The following EPHA5 variants were observed in gnomAD, a reference collection of about 807,000 sequenced individuals.
The protein encoded by EPHA5 is EPH receptor A5.
EPHA5 carries 60 observed loss-of-function variants against 105.0 expected under a neutral mutation model. That is an observed-to-expected ratio of 0.57 (90% CI 0.46 to 0.71). The LOEUF (loss-of-function observed/expected upper bound fraction) is 0.71. EPHA5 is among the 30% of genes least tolerant of loss of function. The pLI is 0.00. For synonymous variants in EPHA5, 513 were observed against 449.1 expected, an observed-to-expected ratio of 1.14 and a Z score of -1.80; for missense variants, 1,218 against 1,274.7, an observed-to-expected ratio of 0.96 and a Z score of 0.68.
chr4:65,496,703 T>A (rs972449191), intron 3 of EPHA5, among the ~76,000 whole-genome samples: 1 of 152,088 alleles, frequency 6.6e-6, no homozygotes, highest in African/African-American at 2.4e-5. Context: ...TGTGCATGTG[T>A]CTTTAGAGAA....
intron 3 of EPHA5, among the ~76,000 whole-genome samples, chr4:65,563,401 C>T (rs1274553105): frequency 6.6e-6 from 1 of 152,012 alleles, no homozygotes; most frequent in African/African-American, 2.4e-5. Flanking sequence ...TTTCAGCATC[C>T]TTCAATCACA....
At chr4:65,342,025 C>CA (rs1721777517) in intron 14 of EPHA5, among the ~76,000 whole-genome samples, 1 of 152,054 alleles carries the variant, frequency 6.6e-6, no homozygotes, top group South Asian at 2.1e-4. Context: ...CTTAGTGCAT[C>CA]AATCTTAGAT....
rs530933021 is a variant in EPHA5, at chr4:65,351,573, A to T, written c.2261T>A (p.Ile754Asn). Residue 754 changes from isoleucine to asparagine, a missense_variant, in exon 13 of 17, where the codon ATT (isoleucine) becomes AAT (asparagine). Around this residue, in one of 3 missense-constraint regions of EPHA5, gnomAD observed 971 missense variants for 1,013.5 expected, o/e 0.96. Coordinates refer to ENST00000613740, the MANE Select transcript of EPHA5 (RefSeq NM_001281766.3). The part of the protein sequence containing the change: ...LKKNDGQFTV[I>N]QLVGMLRGIS... ...ACCTCTCAGCATGCCAACAAGCTGAATCACAGTGAACTGCCCATCGTTTTT... is the reference window on the plus strand; with the variant it reads ...ACCTCTCAGCATGCCAACAAGCTGATTCACAGTGAACTGCCCATCGTTTTT... The T allele has an allele frequency of 6.2e-7, 1 of 1,613,660 alleles. No homozygotes were observed. The highest frequency in any genetic ancestry group is 8.5e-7 in the Non-Finnish European group (1 of 1,179,714).
intron 3 of EPHA5, among the ~76,000 whole-genome samples, chr4:65,538,691 C>T (rs1385699159): frequency 6.6e-6 from 1 of 151,600 alleles, no homozygotes; most frequent in African/African-American, 2.4e-5. Context: ...TGTAGCTAGG[C>T]ACATAGCGAT....
intron 5 of EPHA5, among the ~76,000 whole-genome samples, chr4:65,445,213 T>C (rs940058604): frequency 1.3e-5 from 2 of 152,152 alleles, no homozygotes; most frequent in South Asian, 2.1e-4. Context: ...GTGTTGGGGT[T>C]CATGATTTAA....
At chr4:65,633,648 T>A (rs1746848979) in intron 2 of EPHA5, among the ~76,000 whole-genome samples, 2 of 151,988 alleles carry the variant, frequency 1.3e-5, no homozygotes, top group African/African-American at 2.4e-5. Flanking sequence ...GAGACCTATA[T>A]ATCCCTCTAT....
At chr4:65,550,707 G>A (rs546807931) in intron 3 of EPHA5, among the ~76,000 whole-genome samples, 11 of 152,062 alleles carry the variant, frequency 7.2e-5, no homozygotes, top group South Asian at 2.1e-4. Context: ...ATGGTGGCGC[G>A]CGCCTATAGT....
At chr4:65,443,144 T>C (rs1726177641) in intron 5 of EPHA5, among the ~76,000 whole-genome samples, 1 of 152,128 alleles carries the variant, frequency 6.6e-6, no homozygotes, top group African/African-American at 2.4e-5. Flanking sequence ...AGCTGTAGTA[T>C]CCTGGGGTTT....
intron 13 of EPHA5, 21 bp from the exon 14 acceptor site, chr4:65,348,224 A>T (rs1722407964): frequency 6.2e-7 from 1 of 1,605,666 alleles, no homozygotes; most frequent in East Asian, 2.2e-5. Flanking sequence ...AAAAGATTTA[A>T]AAAACTTCCT....
intron 1 of EPHA5, among the ~76,000 whole-genome samples, chr4:65,668,315 A>G (rs940060043): frequency 6.6e-6 from 1 of 152,108 alleles, no homozygotes; most frequent in Admixed American, 6.5e-5. Flanking sequence ...CTGCTGCTTC[A>G]TCTTTCCGGT....
intron 3 of EPHA5, among the ~76,000 whole-genome samples, chr4:65,537,234 C>T (rs1322045560): frequency 6.6e-6 from 1 of 151,756 alleles, no homozygotes; most frequent in Non-Finnish European, 1.5e-5. Flanking sequence ...CTTGTCTTTA[C>T]ATCTAAATTG....
chr4:65,547,024 T>C (rs1196389567), intron 3 of EPHA5, among the ~76,000 whole-genome samples: 1 of 152,028 alleles, frequency 6.6e-6, no homozygotes, highest in Non-Finnish European at 1.5e-5. Flanking sequence ...GATGGAAGTG[T>C]CACTGCAACC....
At chr4:65,348,254 A>G (rs772531076) in intron 13 of EPHA5, 51 bp from the exon 14 acceptor site, 9 of 1,542,072 alleles carry the variant, frequency 5.8e-6, no homozygotes, top group African/African-American at 2.7e-5. Flanking sequence ...AAATGTGCCT[A>G]GGGACAGTGT....
intron 1 of EPHA5, among the ~76,000 whole-genome samples, chr4:65,667,702 T>C (rs1750073877): frequency 6.6e-6 from 1 of 152,196 alleles, no homozygotes; most frequent in Non-Finnish European, 1.5e-5. Flanking sequence ...CTTGTTCCCA[T>C]TCAGTGTCAC....
At chr4:65,618,363 T>C (rs911750557) in intron 2 of EPHA5, among the ~76,000 whole-genome samples, 4 of 152,156 alleles carry the variant, frequency 2.6e-5, no homozygotes, top group African/African-American at 7.2e-5. Flanking sequence ...ATTTAATTAC[T>C]ATAAAATGTA....
intron 5 of EPHA5, among the ~76,000 whole-genome samples, chr4:65,479,085 T>C (rs1367351023): frequency 4.6e-5 from 7 of 152,286 alleles, no homozygotes; most frequent in Middle Eastern, 3.4e-3. Context: ...ATTTATTCCA[T>C]GGATTCATGC....
intron 14 of EPHA5, 146 bp from the exon 15 acceptor site, chr4:65,336,271 C>A (rs1177081268): frequency 4.2e-6 from 2 of 477,350 alleles, no homozygotes; most frequent in Non-Finnish European, 6.8e-6. Flanking sequence ...AAATCCACGG[C>A]TATTTCCATT....
chr4:65,477,567 C>T (rs62298058), intron 5 of EPHA5, among the ~76,000 whole-genome samples: 19,721 of 151,896 alleles, frequency 0.13, 1,798 homozygotes, highest in East Asian at 0.4. Flanking sequence ...TGTGCACCAC[C>T]ACGCTCAGGT....
chr4:65,537,970 G>T (rs1443764359), intron 3 of EPHA5, among the ~76,000 whole-genome samples: 1 of 151,558 alleles, frequency 6.6e-6, no homozygotes, highest in African/African-American at 2.4e-5. Flanking sequence ...ACCTATATTG[G>T]GGTGGCTTAT....
Sources: allele counts gnomAD v4.1 joint callset (sites outside exome capture counted in the v4.1 genomes callset), GRCh38; gene constraint gnomAD v4.1.1; regional missense constraint gnomAD v4.1.1; transcripts MANE v1.5; gene names NCBI Gene and HGNC (gene_info 2026-07-23, HGNC 2026-07-21).